CREBBP: variants seen among roughly 807,000 people sequenced by gnomAD.
The protein encoded by CREBBP is CREB-binding protein.
In CREBBP, 19 loss-of-function variants were observed where a neutral mutation model predicts 265.0. The observed-to-expected ratio is 0.07, with a 90% CI of 0.05 to 0.11. CREBBP has a LOEUF of 0.11. Ranked by LOEUF, CREBBP falls within the 10% of genes least tolerant of loss-of-function variation. The pLI is 1.00. For synonymous variants in CREBBP, 1,457 were observed against 1,223.7 expected, an observed-to-expected ratio of 1.19 and a Z score of -3.98; for missense variants, 2,525 against 3,219.0, an observed-to-expected ratio of 0.78 and a Z score of 5.22.
chr16:3,850,442 C>T lies in CREBBP; in HGVS notation c.653G>A (p.Arg218Lys), dbSNP rs2141490444. The T allele has an allele frequency of 6.2e-7, 1 of 1,614,264 alleles. No individual in the cohort carries two copies. The change falls in exon 2 of 31, where the codon AGA becomes AAA. Residue 218 changes from arginine (R) to lysine (K), a missense_variant. Coordinates refer to ENST00000262367, the MANE Select transcript of CREBBP (RefSeq NM_004380.3). ...VMNGSLGAAG[R>K]GRGAGMPYPT... ...GTACGGCATTCCAGCTCCCCTTCCT[C>T]TGCCAGCAGCCCCAAGAGATCCATT...
At chr16:3,829,341 C>T (rs914913298) in intron 2 of CREBBP, among the ~76,000 whole-genome samples, 25 of 152,174 alleles carry the variant, frequency 1.6e-4, no homozygotes, top group African/African-American at 5.6e-4. Flanking sequence ...ACAGTCACTA[C>T]GGGACAACCA....
At chr16:3,831,043 G>C (rs574582275) in intron 2 of CREBBP, among the ~76,000 whole-genome samples, 1 of 152,300 alleles carries the variant, frequency 6.6e-6, no homozygotes, top group East Asian at 1.9e-4. Context: ...GCCTCCCAAA[G>C]TGCTGGGATT....
chr16:3,743,655 G>A (rs1330986904), intron 23 of CREBBP: 1 of 152,226 alleles, frequency 6.6e-6, no homozygotes, highest in Non-Finnish European at 1.5e-5. Context: ...TCTTGTGTGG[G>A]TTTGCTGGTT....
At chr16:3,851,064 A>T in intron 1 of CREBBP, 55 bp from the exon 2 acceptor site, 1 of 1,450,932 alleles carries the variant, frequency 6.9e-7, no homozygotes, top group Non-Finnish European at 9.6e-7. Context: ...ACAGCTCTCC[A>T]ACTGCCACGT....
At chr16:3,872,060 T>C (rs988341140) in intron 1 of CREBBP, among the ~76,000 whole-genome samples, 7 of 152,152 alleles carry the variant, frequency 4.6e-5, no homozygotes, top group African/African-American at 1.7e-4. Context: ...GGGGAAAATG[T>C]CACACGGGAT....
intron 2 of CREBBP, among the ~76,000 whole-genome samples, chr16:3,833,334 C>T (rs747858381): frequency 1.1e-4 from 16 of 152,216 alleles, no homozygotes; most frequent in Non-Finnish European, 1.3e-4. Context: ...ATCGCTTGAG[C>T]CCCAGAGGTG....
chr16:3,773,295 T>C (rs548289121), intron 13 of CREBBP, among the ~76,000 whole-genome samples: 1 of 152,300 alleles, frequency 6.6e-6, no homozygotes, highest in Non-Finnish European at 1.5e-5. Context: ...AGAAGGGAAC[T>C]ATTGAAATGA....
chr16:3,791,413 T>G (rs1346263905), intron 5 of CREBBP, among the ~76,000 whole-genome samples: 1 of 152,150 alleles, frequency 6.6e-6, no homozygotes, highest in African/African-American at 2.4e-5. Context: ...AGGCTCTCAC[T>G]GTGAAGCAGA....
intron 1 of CREBBP, among the ~76,000 whole-genome samples, chr16:3,864,671 C>T (rs529806311): frequency 6.6e-6 from 1 of 152,132 alleles, no homozygotes; most frequent in South Asian, 2.1e-4. Context: ...AAAGGTACAC[C>T]ATAAAATGAG....
chr16:3,861,381 G>T (rs531117112), intron 1 of CREBBP, among the ~76,000 whole-genome samples: 17 of 152,288 alleles, frequency 1.1e-4, no homozygotes, highest in African/African-American at 2.9e-4. Flanking sequence ...CATGCAGTAA[G>T]GACTCAAAAA....
chr16:3,858,734 A>T (rs2055013157), intron 1 of CREBBP, among the ~76,000 whole-genome samples: 1 of 152,210 alleles, frequency 6.6e-6, no homozygotes, highest in African/African-American at 2.4e-5. Flanking sequence ...ATTCTCTAGA[A>T]ATATTACACT....
intron 2 of CREBBP, among the ~76,000 whole-genome samples, chr16:3,832,856 C>T (rs2054370047): frequency 6.6e-6 from 1 of 151,726 alleles, no homozygotes; most frequent in Non-Finnish European, 1.5e-5. Context: ...GAATGCAAGG[C>T]TGGTTCAACA....
rs1188661704 is a variant in CREBBP, at chr16:3,727,107, AAGTTTGGCTTC to A, written c.*600_*610del. ...GCAACAATTTCTACATCTGCAAGAC[AAGTTTGGCTTC>A]AGCCATTATGTATAGATAGATGTGT... On this transcript the variant is annotated 3_prime_UTR_variant, in exon 31 of 31. Transcript: ENST00000262367. 18 of 234,058 alleles carry A rather than the reference AAGTTTGGCTTC, an allele frequency of 7.7e-5. No homozygotes were observed. The highest frequency in any genetic ancestry group is 1.7e-4 in the Admixed American group (3 of 17,810). The allele number at this position is 234,058 out of a possible 1,614,324, so 14.5% of individuals were successfully genotyped here.
rs79337017 is a variant in CREBBP, at chr16:3,869,894, C to G, written c.85+9938G>C. Among the ~76,000 whole-genome samples, 896 of 152,292 alleles carry G rather than the reference C, an allele frequency of 5.9e-3. 8 individuals carry two copies. Among genetic ancestry groups the G allele is most frequent in the Middle Eastern group, 0.017 (5 of 294 alleles). On this transcript the variant is annotated intron_variant, in intron 1 of 30. Coordinates refer to ENST00000262367, the MANE Select transcript of CREBBP (RefSeq NM_004380.3). ...AAAGCAAAACACTTGATTCTCTTGC[C>G]ATCATTCAAATGATTCCCTCAGAGA...
chr16:3,849,434 T>TGTGTGTGTGTGTGTGTGTGTGTG (rs2054756402), intron 2 of CREBBP, among the ~76,000 whole-genome samples: 1 of 10,068 alleles, frequency 9.9e-5, no homozygotes, highest in Non-Finnish European at 8.1e-4. Flanking sequence ...TGTGTGTGTG[T>TGTGTGTGTGTGTGTGTGTGTGTG]GTGTGTGTGT....
At chr16:3,851,306 T>TAA (rs1160251196) in intron 1 of CREBBP, among the ~76,000 whole-genome samples, 28 of 76,480 alleles carry the variant, frequency 3.7e-4, no homozygotes, top group African/African-American at 8.6e-4. Flanking sequence ...AAAAAAAAAT[T>TAA]AAAAAAAAAA....
rs934317603 is a variant in CREBBP, at chr16:3,727,865, G to T, written c.7182C>A (p.Ser2394=). The T allele has an allele frequency of 6.2e-7, 1 of 1,613,952 alleles. No individual in the cohort carries two copies. The highest frequency in any genetic ancestry group is 8.5e-7 in the Non-Finnish European group (1 of 1,179,988). The change falls in exon 31 of 31, where the codon TCC becomes TCA. Residue 2394 remains serine, a synonymous_variant. Coordinates refer to ENST00000262367, the MANE Select transcript of CREBBP (RefSeq NM_004380.3). ...HPGLAVTMAS[S]IDQGHLGNPE... ...GGTTCCCCAAGTGTCCCTGATCTAT[G>T]GAGCTGGCCATGGTGACTGCGAGTC...
chr16:3,865,152 G>T (rs1349084532), intron 1 of CREBBP, among the ~76,000 whole-genome samples: 6 of 152,150 alleles, frequency 3.9e-5, no homozygotes, highest in Non-Finnish European at 7.3e-5. Context: ...CCAACACACA[G>T]GCTCTTGAAG....
chr16:3,788,248 T>C (rs966019368), intron 5 of CREBBP, among the ~76,000 whole-genome samples: 5 of 152,228 alleles, frequency 3.3e-5, no homozygotes, highest in Admixed American at 1.3e-4. Flanking sequence ...TACCTGGTCT[T>C]CCAAGGCATC....
Sources: gnomAD v4.1 joint callset for allele counts (sites outside exome capture counted in the v4.1 genomes callset) on GRCh38, gnomAD v4.1.1 for gene constraint, MANE v1.5 for transcripts, NCBI Gene and HGNC (gene_info 2026-07-23, HGNC 2026-07-21) for gene names.